Variants in ASIC2 observed in about 807,000 individuals in gnomAD.
ASIC2 encodes acid-sensing ion channel 2.
In ASIC2, 25 loss-of-function variants were observed where a neutral mutation model predicts 57.3. The ratio of observed to expected loss-of-function variants is 0.44; its 90% confidence interval spans 0.32 to 0.61. ASIC2 has a LOEUF of 0.61. Among genes scored for constraint, ASIC2 ranks in the 20% least tolerant of loss-of-function variants. The pLI is 0.06. For synonymous variants in ASIC2, 319 were observed against 307.5 expected (o/e 1.04, Z -0.39); for missense variants, 641 against 738.1 (o/e 0.87, Z 1.52).
chr17:33,962,770 C>G (rs888589330), intron 1 of ASIC2, among the ~76,000 whole-genome samples: 1 of 152,108 alleles, frequency 6.6e-6, no homozygotes, highest in Non-Finnish European at 1.5e-5. Context: ...TGCTCCATTC[C>G]AAAGAGGCAC....
intron 1 of ASIC2, among the ~76,000 whole-genome samples, chr17:33,266,082 G>T (rs564714830): frequency 6.6e-6 from 1 of 152,154 alleles, no homozygotes; most frequent in South Asian, 2.1e-4. Context: ...GTGTTCTCCC[G>T]GGAAACTTTT....
At chr17:33,654,250 A>G (rs1907011076) in intron 1 of ASIC2, among the ~76,000 whole-genome samples, 1 of 152,238 alleles carries the variant, frequency 6.6e-6, no homozygotes, top group African/African-American at 2.4e-5. Flanking sequence ...AGAGCTCACT[A>G]GAGCTTTTAG....
intron 1 of ASIC2, among the ~76,000 whole-genome samples, chr17:33,235,065 C>A (rs1371457716): frequency 6.6e-6 from 1 of 152,222 alleles, no homozygotes; most frequent in African/African-American, 2.4e-5. Context: ...TACTTCTTCT[C>A]CATTGCACTT....
intron 1 of ASIC2, among the ~76,000 whole-genome samples, chr17:33,172,360 T>G (rs1905555565): frequency 6.6e-6 from 1 of 152,210 alleles, no homozygotes; most frequent in South Asian, 2.1e-4. Flanking sequence ...TCCCCACCCC[T>G]GCCACAGGTA....
chr17:33,480,122 A>G (rs1045420181), intron 1 of ASIC2, among the ~76,000 whole-genome samples: 5 of 152,210 alleles, frequency 3.3e-5, no homozygotes, highest in Admixed American at 2.6e-4. Context: ...TTCCCATTCC[A>G]TTTTAAAATT....
chr17:33,768,749 C>T (rs1250432039), intron 1 of ASIC2, among the ~76,000 whole-genome samples: 1 of 152,104 alleles, frequency 6.6e-6, no homozygotes, highest in Admixed American at 6.5e-5. Flanking sequence ...GTTGCCTTTT[C>T]CAATACTGCC....
intron 1 of ASIC2, chr17:33,816,898 G>C (rs1474712179): frequency 6.6e-6 from 1 of 152,208 alleles, no homozygotes; most frequent in Non-Finnish European, 1.5e-5. Flanking sequence ...AATTCACCTT[G>C]CAGAGTCATA....
rs142880691 is a variant in ASIC2, at chr17:33,594,720, C to T, written c.556-482653G>A. Among the ~76,000 whole-genome samples, 713 of 151,276 alleles carry T rather than the reference C, an allele frequency of 4.7e-3. 3 individuals are homozygous for T. Among genetic ancestry groups the T allele is most frequent in the African/African-American group, 7.4e-3 (306 of 41,182 alleles). On this transcript the variant is annotated intron_variant, in intron 1 of 9. Transcript: ENST00000359872. Reference sequence around the variant, plus strand: ...GCGGGCGCCTGTAGTCCCAGCTACTCGGGAGGCCGAGGCAGGAGAATGACG... The same window carrying T: ...GCGGGCGCCTGTAGTCCCAGCTACTTGGGAGGCCGAGGCAGGAGAATGACG...
intron 1 of ASIC2, among the ~76,000 whole-genome samples, chr17:33,577,206 T>G (rs1014651271): frequency 6.6e-6 from 1 of 152,158 alleles, no homozygotes; most frequent in Non-Finnish European, 1.5e-5. Context: ...CAGGGAAGCC[T>G]CCTATTACTG....
chr17:33,234,940 T>C (rs1490281552), intron 1 of ASIC2, among the ~76,000 whole-genome samples: 1 of 152,200 alleles, frequency 6.6e-6, no homozygotes, highest in Non-Finnish European at 1.5e-5. Flanking sequence ...CCTCTGTGAG[T>C]TCCCCTGTGG....
At chr17:33,330,610 C>T (rs1209122857) in intron 1 of ASIC2, among the ~76,000 whole-genome samples, 1 of 152,190 alleles carries the variant, frequency 6.6e-6, no homozygotes, top group Non-Finnish European at 1.5e-5. Flanking sequence ...GCATTCAGAC[C>T]TGTCTCTACG....
intron 1 of ASIC2, among the ~76,000 whole-genome samples, chr17:33,254,501 C>A (rs549576218): frequency 1.3e-5 from 2 of 152,276 alleles, no homozygotes; most frequent in Non-Finnish European, 2.9e-5. Flanking sequence ...AAGCCTCATG[C>A]AGGCTTTGGA....
At chr17:33,552,298 T>C (rs893324618) in intron 1 of ASIC2, among the ~76,000 whole-genome samples, 5 of 152,186 alleles carry the variant, frequency 3.3e-5, no homozygotes, top group African/African-American at 1.2e-4. Flanking sequence ...TGAGTGGGGC[T>C]GGGCCAGCTC....
chr17:33,414,916 G>T (rs1051080014), intron 1 of ASIC2, among the ~76,000 whole-genome samples: 4 of 152,120 alleles, frequency 2.6e-5, no homozygotes, highest in Non-Finnish European at 5.9e-5. Flanking sequence ...TTCTAATCAG[G>T]ACATGCAGTT....
chr17:33,363,472 C>A (rs1160437410), intron 1 of ASIC2, among the ~76,000 whole-genome samples: 1 of 152,234 alleles, frequency 6.6e-6, no homozygotes, highest in Non-Finnish European at 1.5e-5. Context: ...GAAAATCCTC[C>A]TCTCTGCTCC....
At chr17:33,891,158 T>C (rs1022649961) in intron 1 of ASIC2, among the ~76,000 whole-genome samples, 13 of 152,182 alleles carry the variant, frequency 8.5e-5, no homozygotes, top group African/African-American at 3.1e-4. Flanking sequence ...TGTGCACATC[T>C]GAACAGGGAA....
At chr17:33,043,642 C>T (rs773162414) in intron 3 of ASIC2, among the ~76,000 whole-genome samples, 4 of 152,206 alleles carry the variant, frequency 2.6e-5, no homozygotes, top group Non-Finnish European at 4.4e-5. Context: ...CATCAAACCA[C>T]ACATTGCTAA....
At chr17:33,799,422 TCTTTC>T (rs1413206790) in intron 1 of ASIC2, among the ~76,000 whole-genome samples, 53 of 75,008 alleles carry the variant, frequency 7.1e-4, no homozygotes, top group African/African-American at 2.8e-3. Flanking sequence ...TTTCTTTCTT[TCTTTC>T]TTCTTTCTTT....
At chr17:33,024,948 A>T (rs1598239628) in intron 5 of ASIC2, among the ~76,000 whole-genome samples, 1 of 152,038 alleles carries the variant, frequency 6.6e-6, no homozygotes, top group Admixed American at 6.5e-5. Flanking sequence ...CTTCCTTACC[A>T]TTTTAACTAG....
Sources: allele counts gnomAD v4.1 joint callset (sites outside exome capture counted in the v4.1 genomes callset), GRCh38; gene constraint gnomAD v4.1.1; transcripts MANE v1.5; gene names NCBI Gene and HGNC (gene_info 2026-07-23, HGNC 2026-07-21).